NOS1AP: variants seen among roughly 807,000 people sequenced by gnomAD.
The protein encoded by NOS1AP is nitric oxide synthase 1 adaptor protein.
NOS1AP carries 21 observed loss-of-function variants against 56.2 expected under a neutral mutation model. The ratio of observed to expected loss-of-function variants is 0.37; its 90% CI spans 0.26 to 0.54. The LOEUF (loss-of-function observed/expected upper bound fraction) is 0.54. NOS1AP is among the 20% of genes least tolerant of loss of function. The pLI is 0.84. For synonymous variants in NOS1AP, 270 were observed against 274.6 expected (o/e 0.98, Z 0.17); for missense variants, 522 against 657.8 (o/e 0.79, Z 2.26).
chr1:162,175,950 C>G (rs897044288), intron 2 of NOS1AP, among the ~76,000 whole-genome samples: 1 of 152,082 alleles, frequency 6.6e-6, no homozygotes, highest in Non-Finnish European at 1.5e-5. Flanking sequence ...TAACCCATAC[C>G]CCCATTGGAA....
chr1:162,092,193 G>A (rs747291400), intron 1 of NOS1AP, among the ~76,000 whole-genome samples: 5 of 152,332 alleles, frequency 3.3e-5, no homozygotes, highest in South Asian at 2.1e-4. Context: ...ATTGTAAAAC[G>A]AAGAGGACTT....
chr1:162,212,706 A>G (rs1393808139), intron 2 of NOS1AP, among the ~76,000 whole-genome samples: 2 of 152,136 alleles, frequency 1.3e-5, no homozygotes, highest in Non-Finnish European at 2.9e-5. Context: ...CTAGCTGTGG[A>G]TGCAGGCCTA....
intron 2 of NOS1AP, among the ~76,000 whole-genome samples, chr1:162,203,161 CT>C (rs1557831539): frequency 6.5e-5 from 3 of 46,096 alleles, no homozygotes; most frequent in Non-Finnish European, 1.9e-4. Context: ...ATAAAAAAGG[CT>C]GTTTTTTTCC....
intron 4 of NOS1AP, among the ~76,000 whole-genome samples, chr1:162,332,536 T>C (rs1283284112): frequency 2.0e-5 from 3 of 151,896 alleles, no homozygotes; most frequent in Non-Finnish European, 4.4e-5. Flanking sequence ...GGACAGAGAG[T>C]GGGATCACTA....
At position 162,343,831 on chromosome 1, in the gene NOS1AP, C is replaced by T; in HGVS notation, c.454-4C>T. ...ATCCTGTTCTTCTCCTTTCTCCTTCCCAGAGCCAAGCTATGAGAATCGTTC... is the reference window on the plus strand; with the variant it reads ...ATCCTGTTCTTCTCCTTTCTCCTTCTCAGAGCCAAGCTATGAGAATCGTTC... On this transcript the variant is annotated splice_region_variant and splice_polypyrimidine_tract_variant and intron_variant, in intron 5 of 9. Coordinates refer to ENST00000361897, the MANE Select transcript of NOS1AP (RefSeq NM_014697.3). 6.2e-7 allele frequency: 1 copy of T among 1,614,186 alleles called. No homozygotes were observed. Among genetic ancestry groups the T allele is most frequent in the Non-Finnish European group, 8.5e-7 (1 of 1,180,036 alleles).
chr1:162,113,565 CTT>C (rs1647796701), intron 1 of NOS1AP, among the ~76,000 whole-genome samples: 1 of 152,182 alleles, frequency 6.6e-6, no homozygotes, highest in Non-Finnish European at 1.5e-5. Context: ...CTTCAGGAAA[CTT>C]ATGATCATGG....
chr1:162,241,083 C>T (rs1653476413), intron 2 of NOS1AP, among the ~76,000 whole-genome samples: 2 of 152,110 alleles, frequency 1.3e-5, no homozygotes, highest in Admixed American at 1.3e-4. Context: ...CAGAAAGGCT[C>T]ACAGGGACCA....
intron 2 of NOS1AP, among the ~76,000 whole-genome samples, chr1:162,276,462 A>G (rs1654737283): frequency 1.3e-5 from 2 of 151,982 alleles, no homozygotes; most frequent in African/African-American, 4.8e-5. Context: ...ATGGTCTGCT[A>G]AACCTCACTC....
At chr1:162,147,558 T>C (rs747419555) in intron 1 of NOS1AP, among the ~76,000 whole-genome samples, 13 of 152,138 alleles carry the variant, frequency 8.5e-5, no homozygotes, top group Admixed American at 6.5e-5. Flanking sequence ...TAGAGTTGAT[T>C]GGTGTCTTCA....
intron 2 of NOS1AP, among the ~76,000 whole-genome samples, chr1:162,251,664 G>T (rs1228079248): frequency 6.6e-6 from 1 of 150,854 alleles, no homozygotes; most frequent in Non-Finnish European, 1.5e-5. Context: ...ATATATATGT[G>T]TGTGTGTATG....
At chr1:162,243,805 C>T (rs1228454883) in intron 2 of NOS1AP, among the ~76,000 whole-genome samples, 1 of 151,446 alleles carries the variant, frequency 6.6e-6, no homozygotes, top group Non-Finnish European at 1.5e-5. Flanking sequence ...CCCACAGGAC[C>T]ATTTTTCAAC....
chr1:162,350,700 A>G (rs1295671689), intron 6 of NOS1AP, among the ~76,000 whole-genome samples: 1 of 152,258 alleles, frequency 6.6e-6, no homozygotes, highest in African/African-American at 2.4e-5. Flanking sequence ...CTCTCTTAGC[A>G]AAGATTGTGA....
At chr1:162,079,949 G>T (rs1691849444) in intron 1 of NOS1AP, among the ~76,000 whole-genome samples, 1 of 152,134 alleles carries the variant, frequency 6.6e-6, no homozygotes, top group Non-Finnish European at 1.5e-5. Flanking sequence ...AATAAAAAGG[G>T]GTTAACTAGG....
At chr1:162,117,703 A>G (rs10800312) in intron 1 of NOS1AP, among the ~76,000 whole-genome samples, 12,533 of 152,282 alleles carry the variant, frequency 0.082, 1,003 homozygotes, top group African/African-American at 0.2. Flanking sequence ...GTCAGGCTGT[A>G]GCTAAAGTGC....
intron 2 of NOS1AP, among the ~76,000 whole-genome samples, chr1:162,195,018 T>G (rs1017454299): frequency 1.3e-5 from 2 of 152,174 alleles, no homozygotes; most frequent in Admixed American, 6.6e-5. Flanking sequence ...TGCCTCATAG[T>G]AGAGGAAAAG....
At chr1:162,093,120 C>A (rs970285698) in intron 1 of NOS1AP, among the ~76,000 whole-genome samples, 2 of 152,146 alleles carry the variant, frequency 1.3e-5, no homozygotes, top group African/African-American at 4.8e-5. Flanking sequence ...TCCCAGTAGA[C>A]CTAGGCCTCT....
intron 1 of NOS1AP, among the ~76,000 whole-genome samples, chr1:162,141,093 C>T (rs921075889): frequency 2.6e-5 from 4 of 152,112 alleles, no homozygotes; most frequent in Non-Finnish European, 5.9e-5. Context: ...TTATTCTTGC[C>T]TCCTTATCTT....
At chr1:162,295,755 A>G (rs1655435504) in intron 3 of NOS1AP, among the ~76,000 whole-genome samples, 2 of 152,220 alleles carry the variant, frequency 1.3e-5, no homozygotes, top group Non-Finnish European at 2.9e-5. Context: ...AAGTTAAGCC[A>G]TTCATTGTAT....
intron 1 of NOS1AP, among the ~76,000 whole-genome samples, chr1:162,149,722 T>C (rs1044188067): frequency 6.6e-6 from 1 of 152,230 alleles, no homozygotes; most frequent in Non-Finnish European, 1.5e-5. Flanking sequence ...TTAATCTCTC[T>C]GGATGACCCT....
Sources: gnomAD v4.1 joint callset for allele counts (sites outside exome capture counted in the v4.1 genomes callset) on GRCh38, gnomAD v4.1.1 for gene constraint, MANE v1.5 for transcripts, NCBI Gene and HGNC (gene_info 2026-07-23, HGNC 2026-07-21) for gene names.